The following FUCA1 variants were observed in gnomAD, a reference collection of about 807,000 sequenced individuals.
FUCA1 encodes alpha-L-fucosidase 1, also known as tissue alpha-L-fucosidase.
FUCA1 carries 52 observed loss-of-function variants against 56.8 expected under a neutral mutation model. The observed-to-expected ratio is 0.92, with a 90% CI of 0.73 to 1.15. The LOEUF is 1.15. Ranked by LOEUF, FUCA1 falls within the 50% of genes most tolerant of loss-of-function variation. The probability of loss-of-function intolerance (pLI) is 0.00; values close to 1 mark genes in which losing one functional copy is unlikely to be tolerated. For synonymous variants in FUCA1, 230 were observed against 226.6 expected (o/e 1.02, Z -0.14); for missense variants, 568 against 592.6 (o/e 0.96, Z 0.43).
intron 5 of FUCA1, 22 bp from the exon 6 acceptor site, chr1:23,848,861 A>T (rs1236594351): frequency 6.2e-7 from 1 of 1,606,130 alleles, no homozygotes; most frequent in African/African-American, 1.3e-5. Flanking sequence ...AGAAACAATG[A>T]AAGTCTAGCT....
At chr1:23,853,441 G>A (rs1639318019) in intron 5 of FUCA1, among the ~76,000 whole-genome samples, 1 of 151,076 alleles carries the variant, frequency 6.6e-6, no homozygotes, top group Admixed American at 6.6e-5. Flanking sequence ...GAGGGAGGTG[G>A]GGGGGTCAGC....
rs1480661028 is a variant in FUCA1 at position 23,867,975 on chromosome 1, G to C, written c.312C>G (p.Ala104=). 3.8e-6 allele frequency: 6 copies of C among 1,596,776 alleles called. No homozygotes were observed. The highest frequency in any genetic ancestry group is 5.1e-6 in the Non-Finnish European group (6 of 1,173,052). ...RDNYPPGFSY[A]DFGPQFTARF... is the part of the protein sequence containing the mutation. ...GCGCAGTGAACTGCGGTCCGAAGTC[G>C]GCGTAGCTGAAGCCGGGCGGGTAGT... is the stretch of plus-strand genomic sequence containing the variant. The change falls in exon 1 of 8, where the codon GCC becomes GCG. Residue 104 remains alanine, a synonymous_variant. Transcript: ENST00000374479. This position sits in a 1 kb window ranked among gnomAD's most constrained non-coding sequence, Gnocchi z 4.9.
rs769788583 is a variant in FUCA1 at position 23,848,785 on chromosome 1, T to C, written c.1024A>G (p.Thr342Ala). 1.2e-5 allele frequency: 20 copies of C among 1,614,096 alleles called. No homozygotes were observed. Among genetic ancestry groups the C allele is most frequent in the East Asian group, 2.2e-5 (1 of 44,896 alleles). Reference protein sequence around the residue: ...GGNYLLNIGPTKDGLIVPIFQ... With the variant: ...GGNYLLNIGPAKDGLIVPIFQ... ...ATGGGAACAATCAGTCCATCTTTAG[T>C]TGGTCCAATGTTCAGAAGATAGTTG... The change falls in exon 6 of 8, where the codon ACT (threonine) becomes GCT (alanine). Residue 342 changes from threonine to alanine, a missense_variant. Thr to Ala is a moderately conservative substitution (Grantham distance 58). Transcript: ENST00000374479.
At chr1:23,860,411 G>A (rs1393631242) in intron 3 of FUCA1, among the ~76,000 whole-genome samples, 4 of 151,498 alleles carry the variant, frequency 2.6e-5, no homozygotes, top group Non-Finnish European at 4.4e-5. Context: ...GTGAAACCCC[G>A]TCTCTACTAA....
In FUCA1 at chr1:23,863,138, T is replaced by G. The variant is rs755082816; in HGVS notation, c.658A>C (p.Asn220His). 3.1e-6 allele frequency: 5 copies of G among 1,613,804 alleles called. No individual in the cohort carries two copies. Among genetic ancestry groups the G allele is most frequent in the African/African-American group, 1.3e-5 (1 of 74,944 alleles). Residue 220 changes from asparagine (N) to histidine (H), a missense_variant, in exon 3 of 8, where the codon AAC becomes CAC. Asn to His is a moderately conservative substitution (Grantham distance 68, BLOSUM62 1). Transcript: ENST00000374479. The part of the protein sequence containing the change: ...KTMPELYDLV[N>H]SYKPDLIWSD... ...CAAAATATTTCAGTGTCTTACCTGT[T>G]AACAAGGTCGTACAGCTCTGGCATT... is the stretch of plus-strand genomic sequence containing the variant.
intron 5 of FUCA1, among the ~76,000 whole-genome samples, 183 bp downstream of exon 5, chr1:23,854,177 C>A (rs1029730460): frequency 1.3e-5 from 2 of 151,974 alleles, no homozygotes; most frequent in Admixed American, 1.3e-4. Flanking sequence ...ATGCCCTTCT[C>A]CATCCCAGCC....
At chr1:23,848,559 G>T in intron 6 of FUCA1, 90 bp downstream of exon 6, 1 of 1,295,042 alleles carries the variant, frequency 7.7e-7, no homozygotes, top group Non-Finnish European at 1.1e-6. Flanking sequence ...GCAACTTCCA[G>T]CCTGGCTTGT....
chr1:23,865,928 CA>C (rs2148449336), intron 1 of FUCA1, among the ~76,000 whole-genome samples: 1 of 152,304 alleles, frequency 6.6e-6, no homozygotes, highest in South Asian at 2.1e-4. Context: ...TCTGATTCTT[CA>C]ACACTTCTGG....
chr1:23,854,240 C>T, intron 5 of FUCA1, 120 bp downstream of exon 5: 1 of 842,994 alleles, frequency 1.2e-6, no homozygotes, highest in Non-Finnish European at 1.9e-6. Context: ...ATTTTACCTC[C>T]AAAATATGCA....
Position 23,846,236 on chromosome 1 carries a change from T to C in FUCA1, c.1161-63A>G, listed in dbSNP as rs1639137464. ...CTTGTTATCCTGATATACAACTTTA[T>C]ACATTTCCTCCTTTTTAATGTTAAT... is the stretch of plus-strand genomic sequence containing the variant. On this transcript the variant is annotated intron_variant, in intron 6 of 7. Transcript: ENST00000374479. The C allele has an allele frequency of 3.9e-6, 4 of 1,032,186 alleles. No homozygotes were observed. In the South Asian group the frequency reaches 5.3e-5, roughly 14 times the overall value. The allele number at this position is 1,032,186 out of a possible 1,614,324, so 63.9% of individuals were successfully genotyped here.
In FUCA1 at chr1:23,867,859, G is replaced by A. The variant is rs990453649; in HGVS notation, c.389+39C>T. On this transcript the variant is annotated intron_variant, in intron 1 of 7. Coordinates refer to ENST00000374479, the MANE Select transcript of FUCA1 (RefSeq NM_000147.5). The surrounding 1 kb of genome is among the most constrained non-coding windows in gnomAD (Gnocchi z 4.9). ...CAGCCCCACCTCCTGTTTGCCGCCCGAGCCGGGAAGGGGCGCCGCTCCCCG... is the reference window on the plus strand; with the variant it reads ...CAGCCCCACCTCCTGTTTGCCGCCCAAGCCGGGAAGGGGCGCCGCTCCCCG... 7.2e-6 allele frequency: 11 copies of A among 1,526,100 alleles called. No individual in the cohort carries two copies. The highest frequency in any genetic ancestry group is 8.8e-6 in the Non-Finnish European group (10 of 1,139,752). 94.5% of individuals were successfully genotyped at this position (1,526,100 alleles called of 1,614,324 possible).
intron 3 of FUCA1, 125 bp from the exon 4 acceptor site, chr1:23,860,028 T>G: frequency 1.5e-6 from 1 of 682,642 alleles, no homozygotes; most frequent in South Asian, 1.5e-5. Context: ...CCAGCAGCTA[T>G]CAACATGTAT....
intron 7 of FUCA1, 93 bp downstream of exon 7, chr1:23,845,981 A>G (rs1639131071): frequency 6.6e-7 from 1 of 1,504,366 alleles, no homozygotes; most frequent in African/African-American, 1.4e-5. Context: ...AGAGGTGTGA[A>G]TATGGGAGAA....
chr1:23,848,567 T>C, intron 6 of FUCA1, 82 bp downstream of exon 6: 1 of 1,350,908 alleles, frequency 7.4e-7, no homozygotes, highest in Non-Finnish European at 1.1e-6. Context: ...CAGCCTGGCT[T>C]GTGACATTGT....
intron 3 of FUCA1, among the ~76,000 whole-genome samples, chr1:23,862,641 A>G (rs1265603264): frequency 6.6e-6 from 1 of 152,224 alleles, no homozygotes; most frequent in Non-Finnish European, 1.5e-5. Flanking sequence ...AATAATGGTA[A>G]TAACAACAGC....
intron 5 of FUCA1, 146 bp downstream of exon 5, chr1:23,854,214 C>A: frequency 1.4e-6 from 1 of 705,278 alleles, no homozygotes; most frequent in South Asian, 1.8e-5. Context: ...TTATAATGAT[C>A]TCGCTTTTCT....
intron 4 of FUCA1, among the ~76,000 whole-genome samples, chr1:23,858,664 A>G (rs1639444433): frequency 6.6e-6 from 1 of 152,236 alleles, no homozygotes; most frequent in South Asian, 2.1e-4. Flanking sequence ...AAACTATAAA[A>G]TCAACATAGA....
chr1:23,855,098 A>G (rs1199250775), intron 4 of FUCA1, among the ~76,000 whole-genome samples: 1 of 151,984 alleles, frequency 6.6e-6, no homozygotes, highest in African/African-American at 2.4e-5. Context: ...GTCTTAAGAC[A>G]ATCCCACTCA....
chr1:23,845,687 G>A lies in FUCA1; in HGVS notation c.*28C>T. ...AACTGAAGCAGGAAAACAGTGAGCA[G>A]CGCCTCTTTCTTCTTGCACTCAAAT... On this transcript the variant is annotated 3_prime_UTR_variant, in exon 8 of 8. Transcript: ENST00000374479. 6.2e-7 allele frequency: 1 copy of A among 1,613,984 alleles called. No homozygotes were observed. Among genetic ancestry groups the A allele is most frequent in the Non-Finnish European group, 8.5e-7 (1 of 1,179,858 alleles).
Sources: gnomAD v4.1 joint callset for allele counts (sites outside exome capture counted in the v4.1 genomes callset) on GRCh38, gnomAD v4.1.1 for gene constraint, Gnocchi (gnomAD v3.1) non-coding constraint, MANE v1.5 for transcripts, NCBI Gene and HGNC (gene_info 2026-07-23, HGNC 2026-07-21) for gene names.